Variants in EFCAB7 observed in about 807,000 individuals in gnomAD.
The protein encoded by EFCAB7 is EF-hand calcium binding domain 7.
In EFCAB7, 66 loss-of-function variants were observed where a neutral mutation model predicts 77.1. The observed-to-expected ratio is 0.86, with a 90% CI of 0.70 to 1.05. EFCAB7 has a LOEUF of 1.05. EFCAB7 is among the 50% of genes least tolerant of loss of function. EFCAB7 has a pLI of 0.00. For missense variants in EFCAB7, 638 were observed against 730.5 expected (o/e 0.87, Z 1.46); for synonymous variants, 225 against 243.3 (o/e 0.92, Z 0.70).
At chr1:63,564,385 C>G (rs767202392) in intron 11 of EFCAB7, among the ~76,000 whole-genome samples, 4 of 151,986 alleles carry the variant, frequency 2.6e-5, no homozygotes, top group Non-Finnish European at 4.4e-5. Context: ...TTAGAATGTG[C>G]AAAAATCACT....
At position 63,525,777 on chromosome 1, in the gene EFCAB7, T is replaced by C; in HGVS notation, c.187+18T>C. 6.7e-7 allele frequency: 1 copy of C among 1,503,434 alleles called. No individual in the cohort carries two copies. The highest frequency in any genetic ancestry group is 8.9e-7 in the Non-Finnish European group (1 of 1,126,748). 93.1% of individuals were successfully genotyped at this position (1,503,434 alleles called of 1,614,324 possible). ...TTACTTAGGTAAATTTTTAAAATTT[T>C]TAAATCTTTCACCTTTTTGTTGAAA... On this transcript the variant is annotated intron_variant, in intron 2 of 13. Transcript: ENST00000371088.
At chr1:63,585,096 T>G in the EFCAB7 span, among the ~76,000 whole-genome samples, 3 of 152,270 alleles carry the variant, frequency 2.0e-5, no homozygotes, top group South Asian at 6.2e-4. Context: ...CTTTAAATGT[T>G]CACTTGAATT....
At chr1:63,524,002 G>A (rs1646530383) in intron 1 of EFCAB7, among the ~76,000 whole-genome samples, 1 of 152,180 alleles carries the variant, frequency 6.6e-6, no homozygotes, top group East Asian at 1.9e-4. Flanking sequence ...GTCTCGGGCC[G>A]GAGTTTTAAG....
In EFCAB7 at chr1:63,532,766, C is replaced by T. The variant is rs957117394; in HGVS notation, c.486+10C>T. 2.5e-5 allele frequency: 39 copies of T among 1,582,190 alleles called. No individual in the cohort carries two copies. The highest frequency in any genetic ancestry group is 3.3e-5 in the Non-Finnish European group (38 of 1,165,744). Reference sequence around the variant, plus strand: ...ATTTGACTACATCAAGGTACATAAGCTCACATTGATGTAAATTTACATACT... The same window carrying T: ...ATTTGACTACATCAAGGTACATAAGTTCACATTGATGTAAATTTACATACT... On this transcript the variant is annotated intron_variant, in intron 4 of 13. Coordinates refer to ENST00000371088, the MANE Select transcript of EFCAB7 (RefSeq NM_032437.4).
intron 12 of EFCAB7, 32 bp from the exon 13 acceptor site, chr1:63,570,989 G>A (rs778835277): frequency 6.8e-7 from 1 of 1,467,826 alleles, no homozygotes; most frequent in Non-Finnish European, 9.4e-7. Flanking sequence ...TTAAAGAAAG[G>A]AATAGCAGCT....
chr1:63,570,322 C>T (rs1647223508), intron 12 of EFCAB7: 1 of 152,162 alleles, frequency 6.6e-6, no homozygotes, highest in Admixed American at 6.5e-5. Context: ...CTTTCCCTTG[C>T]TCCCTATCCA....
intron 6 of EFCAB7, among the ~76,000 whole-genome samples, chr1:63,535,920 G>A (rs1200980918): frequency 6.6e-6 from 1 of 152,082 alleles, no homozygotes; most frequent in Non-Finnish European, 1.5e-5. Context: ...GAGGCCGATA[G>A]AGTTTTCCAA....
chr1:63,571,080 C>T lies in EFCAB7; in HGVS notation c.1767C>T (p.Asn589=). ...AGCTAAGTAAAAACTGCATAAACAA[C>T]AGAGGACTCAACATATTTGCAGTAG... ...SNELSKNCIN[N]RGLNIFAVEV... Residue 589 remains asparagine (N), a synonymous_variant, in exon 13 of 14, where the codon AAC becomes AAT. Transcript: ENST00000371088. The T allele has an allele frequency of 6.2e-7, 1 of 1,611,982 alleles. No homozygotes were observed. The highest frequency in any genetic ancestry group is 8.5e-7 in the Non-Finnish European group (1 of 1,179,048).
chr1:63,548,984 G>T, intron 7 of EFCAB7: 1 of 169,444 alleles, frequency 5.9e-6, no homozygotes, highest in South Asian at 1.5e-4. Flanking sequence ...AGTGATACCT[G>T]ATCTCATCAA....
At chr1:63,549,444 T>C in intron 7 of EFCAB7, 1 of 465,112 alleles carries the variant, frequency 2.2e-6, no homozygotes, top group Non-Finnish European at 4.4e-6. Context: ...GAGTATGGAT[T>C]GAGTTTGGAG....
At chr1:63,525,071 A>C (rs1321661926) in intron 1 of EFCAB7, among the ~76,000 whole-genome samples, 1 of 152,146 alleles carries the variant, frequency 6.6e-6, no homozygotes, top group African/African-American at 2.4e-5. Flanking sequence ...CCCGATTCTC[A>C]TTATTCTGGA....
intron 10 of EFCAB7, 84 bp from the exon 11 acceptor site, chr1:63,561,625 A>G: frequency 2.4e-6 from 2 of 835,564 alleles, no homozygotes; most frequent in South Asian, 3.1e-5. Context: ...ATAAATATCT[A>G]TGAATAATAA....
chr1:63,568,404 C>A lies in EFCAB7; in HGVS notation c.1592C>A (p.Ala531Asp). Residue 531 changes from alanine (A) to aspartate (D), a missense_variant, in exon 12 of 14, where the codon GCC (alanine) becomes GAC (aspartate). Physicochemically the swap from Ala to Asp is moderately radical, Grantham distance 126. Coordinates refer to ENST00000371088, the MANE Select transcript of EFCAB7 (RefSeq NM_032437.4). The stretch of plus-strand genomic sequence containing the variant: ...GCATGTAGTGGACAACTTGAGAAGG[C>A]CATTTGTAAATCTGTTCTTAGCAAC... Reference protein sequence around the residue: ...MEACSGQLEKAICKSVLSNGD... With the variant: ...MEACSGQLEKDICKSVLSNGD... 1 of 1,579,696 alleles carries A rather than the reference C, an allele frequency of 6.3e-7. No homozygotes were observed.
intron 10 of EFCAB7, among the ~76,000 whole-genome samples, chr1:63,559,020 A>G (rs1470589059): frequency 1.3e-5 from 2 of 151,004 alleles, no homozygotes; most frequent in Non-Finnish European, 1.5e-5. Context: ...TCTCTTAAAA[A>G]GAAAAAAAAA....
At chr1:63,560,341 T>G (rs1647082150) in intron 10 of EFCAB7, among the ~76,000 whole-genome samples, 1 of 152,064 alleles carries the variant, frequency 6.6e-6, no homozygotes, top group South Asian at 2.1e-4. Flanking sequence ...TAGTACAGTA[T>G]CTAGATAGGT....
intron 13 of EFCAB7, 86 bp downstream of exon 13, chr1:63,571,214 T>TA (rs1484795085): frequency 3.7e-5 from 30 of 809,364 alleles, no homozygotes; most frequent in Non-Finnish European, 5.5e-5. Context: ...AATGTAAATA[T>TA]AAAATGGAGT....
At chr1:63,561,383 A>T (rs140929233) in intron 10 of EFCAB7, among the ~76,000 whole-genome samples, 59 of 152,324 alleles carry the variant, frequency 3.9e-4, no homozygotes, top group African/African-American at 1.3e-3. Flanking sequence ...ATAACAACGT[A>T]TGCTCTAAAT....
chr1:63,573,846 T>A (rs1476764951), downstream of EFCAB7, among the ~76,000 whole-genome samples: 1 of 149,094 alleles, frequency 6.7e-6, no homozygotes, highest in African/African-American at 2.6e-5. Flanking sequence ...CTTTTTAAGT[T>A]GGTGGCTGAG....
intron 6 of EFCAB7, among the ~76,000 whole-genome samples, chr1:63,535,423 A>G (rs1324188340): frequency 1.3e-5 from 2 of 152,148 alleles, no homozygotes; most frequent in African/African-American, 2.4e-5. Context: ...ACACTATAGC[A>G]TAGTATTTAT....
Sources: allele counts gnomAD v4.1 joint callset (sites outside exome capture counted in the v4.1 genomes callset), GRCh38; gene constraint gnomAD v4.1.1; transcripts MANE v1.5; gene names NCBI Gene and HGNC (gene_info 2026-07-23, HGNC 2026-07-21).